SPANXN1: variants seen among roughly 807,000 people sequenced by gnomAD.
The protein encoded by SPANXN1 is sperm protein associated with the nucleus on the X chromosome N1.
In SPANXN1, 1 loss-of-function variant was observed where a neutral mutation model predicts 2.0. The ratio of observed to expected loss-of-function variants is 0.50; its 90% CI spans 0.18 to 2.36. SPANXN1 has a LOEUF of 2.36. Among genes scored for constraint, SPANXN1 ranks in the 30% most tolerant of loss-of-function variants. The pLI, the probability that SPANXN1 is intolerant of heterozygous loss-of-function variation, is 0.26. For synonymous variants in SPANXN1, 27 were observed against 21.3 expected (o/e 1.27, Z -0.74); for missense variants, 55 against 51.8 (o/e 1.06, Z -0.19).
At chrX:145,252,616 T>C (rs1556882615) in intron 1 of SPANXN1, among the ~76,000 whole-genome samples, 2 of 110,996 alleles carry the variant, frequency 1.8e-5, no homozygotes, top group Admixed American at 9.6e-5. Context: ...GTGTGGCTAT[T>C]GTGGGTTTAG....
At chrX:145,250,563 A>G (rs73639613) in intron 1 of SPANXN1, among the ~76,000 whole-genome samples, 11,881 of 111,665 alleles carry the variant, frequency 0.11, 1,430 homozygotes, top group African/African-American at 0.35. Context: ...GGTTGTGCAC[A>G]TATGAAAGTT....
chrX:145,252,313 G>A (rs1344091508), intron 1 of SPANXN1, among the ~76,000 whole-genome samples: 1 of 111,150 alleles, frequency 9.0e-6, no homozygotes, highest in Non-Finnish European at 1.9e-5. Flanking sequence ...AGGAGTGTGT[G>A]GTAGATGTAG....
intron 1 of SPANXN1, among the ~76,000 whole-genome samples, chrX:145,248,335 C>T (rs782821164): frequency 2.7e-5 from 3 of 110,722 alleles, no homozygotes; most frequent in South Asian, 3.9e-4. Context: ...GTTTAGCCTT[C>T]GGGAGATAAA....
In SPANXN1 at chrX:145,253,704, T is replaced by C. The variant is rs115279520; in HGVS notation, c.76-1967T>C. 8.7e-3 allele frequency among the ~76,000 whole-genome samples: 965 copies of C among 110,922 alleles called. 15 individuals carry two copies. Among genetic ancestry groups the C allele is most frequent in the African/African-American group, 0.03 (929 of 30,474 alleles). ...GCTAGGGTCCCTATTGGGTTGTGAGTAGCATCTTTTTGTTGGAGGGTGTTC... is the reference window on the plus strand; with the variant it reads ...GCTAGGGTCCCTATTGGGTTGTGAGCAGCATCTTTTTGTTGGAGGGTGTTC... On this transcript the variant is annotated intron_variant, in intron 1 of 1. Transcript: ENST00000370493.
intron 1 of SPANXN1, among the ~76,000 whole-genome samples, chrX:145,250,251 G>T (rs2070780325): frequency 9.0e-6 from 1 of 111,423 alleles, no homozygotes; most frequent in Non-Finnish European, 1.9e-5. Flanking sequence ...AGACGTGATG[G>T]TGTGTGCCTT....
At chrX:145,249,199 G>A (rs1211662388) in intron 1 of SPANXN1, among the ~76,000 whole-genome samples, 1 of 110,249 alleles carries the variant, frequency 9.1e-6, no homozygotes, top group African/African-American at 3.3e-5. Flanking sequence ...CTGGATTTGT[G>A]TGGACAAACA....
chrX:145,249,810 G>A (rs1556882293), intron 1 of SPANXN1, among the ~76,000 whole-genome samples: 1 of 111,005 alleles, frequency 9.0e-6, no homozygotes, highest in Non-Finnish European at 1.9e-5. Flanking sequence ...AGTGTTTTGA[G>A]GATGGACTTT....
At chrX:145,252,469 G>A (rs1427780989) in intron 1 of SPANXN1, among the ~76,000 whole-genome samples, 1 of 110,863 alleles carries the variant, frequency 9.0e-6, no homozygotes, top group Non-Finnish European at 1.9e-5. Context: ...GGGGAGAGTT[G>A]ACGGGCTTGA....
At chrX:145,250,573 T>A (rs1432642877) in intron 1 of SPANXN1, among the ~76,000 whole-genome samples, 3 of 111,942 alleles carry the variant, frequency 2.7e-5, no homozygotes, top group Admixed American at 1.9e-4. Flanking sequence ...ATATGAAAGT[T>A]CAGAAGGTTT....
rs1169569346 is a variant in SPANXN1, at chrX:145,256,096, G to A, written c.*282G>A. ...TAGAATTACCTGAAGGATCTTCACA[G>A]GAGGATGAAGACCTAGAGAAAAAGC... On this transcript the variant is annotated 3_prime_UTR_variant, in exon 2 of 2. Transcript: ENST00000370493. The A allele has an allele frequency of 2.1e-6, 1 of 474,234 alleles. No homozygotes were observed. The highest frequency in any genetic ancestry group is 2.4e-5 in the African/African-American group (1 of 41,509). The allele number at this position is 474,234 out of a possible 1,213,427, so 39.1% of individuals were successfully genotyped here. A position where few individuals can be genotyped will look rare whatever the true frequency, so the allele number is the denominator to read the frequency against.
chrX:145,252,309 G>A (rs2070789291), intron 1 of SPANXN1, among the ~76,000 whole-genome samples: 1 of 111,386 alleles, frequency 9.0e-6, no homozygotes, highest in Admixed American at 9.5e-5. Flanking sequence ...ACAGAGGAGT[G>A]TGTGGTAGAT....
intron 1 of SPANXN1, among the ~76,000 whole-genome samples, chrX:145,251,375 G>A (rs1223461549): frequency 8.9e-6 from 1 of 112,010 alleles, no homozygotes; most frequent in Non-Finnish European, 1.9e-5. Flanking sequence ...GAAATTGATG[G>A]TTTATGAGGT....
chrX:145,251,061 T>C (rs1471627130), intron 1 of SPANXN1, among the ~76,000 whole-genome samples: 1 of 111,713 alleles, frequency 9.0e-6, no homozygotes, highest in African/African-American at 3.3e-5. Flanking sequence ...TGGGAGAACA[T>C]TGGATTCTAG....
rs2070808864 is a variant in SPANXN1 at position 145,255,887 on chromosome X, G to T, written c.*73G>T. On this transcript the variant is annotated 3_prime_UTR_variant, in exon 2 of 2. Coordinates refer to ENST00000370493, the MANE Select transcript of SPANXN1 (RefSeq NM_001009614.3). Reference sequence around the variant, plus strand: ...CTCAGCTGAAGGATCTTCAAAGCAGGATGAAGACCTAGACTTACCTGAAGG... The same window carrying T: ...CTCAGCTGAAGGATCTTCAAAGCAGTATGAAGACCTAGACTTACCTGAAGG... 1.7e-6 allele frequency: 2 copies of T among 1,205,916 alleles called. No individual in the cohort carries two copies. The highest frequency in any genetic ancestry group is 2.2e-6 in the Non-Finnish European group (2 of 891,735).
chrX:145,253,055 G>A (rs1193931064), intron 1 of SPANXN1, among the ~76,000 whole-genome samples: 3 of 111,306 alleles, frequency 2.7e-5, no homozygotes, highest in Non-Finnish European at 3.8e-5. Flanking sequence ...CAGTACGGGC[G>A]GTGGACTCTA....
At chrX:145,251,703 T>C (rs1454380195) in intron 1 of SPANXN1, among the ~76,000 whole-genome samples, 1 of 111,350 alleles carries the variant, frequency 9.0e-6, no homozygotes, top group Non-Finnish European at 1.9e-5. Context: ...TTTTGGTTTT[T>C]TGTTTTGTTT....
In SPANXN1 at chrX:145,247,551, G is replaced by C. The variant is rs199641256; in HGVS notation, c.-36G>C. The C allele has an allele frequency of 8.5e-7, 1 of 1,173,457 alleles. No individual in the cohort carries two copies. The highest frequency in any genetic ancestry group is 3.0e-5 in the East Asian group (1 of 33,505). On this transcript the variant is annotated 5_prime_UTR_variant, in exon 1 of 2. Coordinates refer to ENST00000370493, the MANE Select transcript of SPANXN1 (RefSeq NM_001009614.3). The stretch of plus-strand genomic sequence containing the variant: ...AGCTGTGCAAGTCTGGAGTCTACAA[G>C]AGCCTACTATAGACATTCTACAACC...
At chrX:145,250,703 A>C (rs1270596722) in intron 1 of SPANXN1, among the ~76,000 whole-genome samples, 7 of 111,331 alleles carry the variant, frequency 6.3e-5, no homozygotes, top group African/African-American at 2.3e-4. Context: ...GCTGGAAAAA[A>C]ATGAGCAATA....
intron 1 of SPANXN1, among the ~76,000 whole-genome samples, chrX:145,249,872 G>C (rs1483769245): frequency 5.4e-5 from 6 of 110,918 alleles, no homozygotes; most frequent in Non-Finnish European, 1.1e-4. Flanking sequence ...TGTTGGGTGA[G>C]GTGTAACGCC....
Sources: gnomAD v4.1 joint callset for allele counts (sites outside exome capture counted in the v4.1 genomes callset) on GRCh38, gnomAD v4.1.1 for gene constraint, MANE v1.5 for transcripts, NCBI Gene and HGNC (gene_info 2026-07-23, HGNC 2026-07-21) for gene names.